GSDMA: variants seen among roughly 807,000 people sequenced by gnomAD.
The protein encoded by GSDMA is gasdermin A, also known as gasdermin-A.
Under a neutral mutation model 54.3 loss-of-function variants are expected in GSDMA, and 55 were observed. The observed-to-expected ratio is 1.01, with a 90% CI of 0.82 to 1.27. The LOEUF (loss-of-function observed/expected upper bound fraction) is 1.27, where lower values mean the gene tolerates loss of function less well. Ranked by LOEUF, GSDMA falls within the 50% of genes most tolerant of loss-of-function variation. The pLI is 0.00. For synonymous variants in GSDMA, 211 were observed against 224.7 expected (o/e 0.94, Z 0.54); for missense variants, 542 against 542.6 (o/e 1.00, Z 0.01).
At chr17:39,971,809 C>T (rs1979958994) in intron 5 of GSDMA, among the ~76,000 whole-genome samples, 189 bp downstream of exon 5, 1 of 152,174 alleles carries the variant, frequency 6.6e-6, no homozygotes, top group Non-Finnish European at 1.5e-5. Context: ...TGAGCATCTT[C>T]TGGGTGCTGG....
At chr17:39,969,406 G>A (rs767594666) in intron 3 of GSDMA, among the ~76,000 whole-genome samples, 1 of 151,372 alleles carries the variant, frequency 6.6e-6, no homozygotes, top group Non-Finnish European at 1.5e-5. Flanking sequence ...TTTAGAGGGA[G>A]TTGAGAAAAC....
chr17:39,968,639 C>A (rs59843584), intron 3 of GSDMA, among the ~76,000 whole-genome samples: 27,015 of 152,070 alleles, frequency 0.18, 2,734 homozygotes, highest in South Asian at 0.26. Flanking sequence ...TGAGCCACCA[C>A]CCCCAGCCAA....
intron 3 of GSDMA, among the ~76,000 whole-genome samples, chr17:39,966,859 A>T (rs1475645639): frequency 6.6e-6 from 1 of 152,208 alleles, no homozygotes; most frequent in African/African-American, 2.4e-5. Context: ...CCCCCAGCTG[A>T]GACCTGAGCA....
At chr17:39,970,366 C>T (rs939037491) in intron 3 of GSDMA, 116 bp from the exon 4 acceptor site, 1 of 1,002,904 alleles carries the variant, frequency 1.0e-6, no homozygotes, top group African/African-American at 1.7e-5. Context: ...CCAGAGTCCT[C>T]ACTCCTTCCC....
At chr17:39,970,207 G>A (rs371463769) in intron 3 of GSDMA, among the ~76,000 whole-genome samples, 37 of 152,270 alleles carry the variant, frequency 2.4e-4, no homozygotes, top group Middle Eastern at 3.4e-3. Flanking sequence ...CCCTGTTCCT[G>A]GCCAGGTGCT....
chr17:39,964,136 C>G (rs959444387), intron 1 of GSDMA, among the ~76,000 whole-genome samples: 2 of 152,160 alleles, frequency 1.3e-5, no homozygotes, highest in African/African-American at 4.8e-5. Context: ...AACACAGATA[C>G]AGTCACCAGC....
Position 39,965,740 on chromosome 17 carries a change from G to C in GSDMA, c.53G>C (p.Arg18Pro). The C allele has an allele frequency of 1.2e-6, 2 of 1,610,282 alleles. No individual in the cohort carries two copies. Among genetic ancestry groups the C allele is most frequent in the South Asian group, 1.1e-5 (1 of 90,442 alleles). Residue 18 changes from arginine to proline, a missense_variant, in exon 2 of 12, where the codon CGA becomes CCA. Arg to Pro is a moderately radical substitution (Grantham distance 103, BLOSUM62 -2). Coordinates refer to ENST00000301659, the MANE Select transcript of GSDMA (RefSeq NM_178171.5). ...TRALARQLNP[R>P]GDLTPLDSLI... ...GCCCTGGCCAGACAGCTAAACCCTCGAGGGGACCTGACACCACTTGACAGC... is the reference window on the plus strand; with the variant it reads ...GCCCTGGCCAGACAGCTAAACCCTCCAGGGGACCTGACACCACTTGACAGC...
chr17:39,975,926 C>A lies in GSDMA; in HGVS notation c.1024C>A (p.Leu342Ile). Residue 342 changes from leucine to isoleucine, a missense_variant and splice_region_variant, in exon 11 of 12, where the codon CTA becomes ATA. Leu to Ile is a conservative substitution (Grantham distance 5). Coordinates refer to ENST00000301659, the MANE Select transcript of GSDMA (RefSeq NM_178171.5). ...CTTTCTCTGCTTTTTTTCTCCAGAG[C>A]TAAGTGAAGCCCAACAGAAGCTGCT... ...ILYFVGALTELSEAQQKLLVK... is the reference protein window; with the variant it reads ...ILYFVGALTEISEAQQKLLVK... 1 of 1,595,592 alleles carries A rather than the reference C, an allele frequency of 6.3e-7. No homozygotes were observed. Among genetic ancestry groups the A allele is most frequent in the Non-Finnish European group, 8.5e-7 (1 of 1,170,652 alleles).
Position 39,965,791 on chromosome 17 carries a change from C to T in GSDMA, c.104C>T (p.Pro35Leu), listed in dbSNP as rs1979623177. 6.2e-7 allele frequency: 1 copy of T among 1,607,232 alleles called. No individual in the cohort carries two copies. The highest frequency in any genetic ancestry group is 1.3e-5 in the African/African-American group (1 of 74,814). ...DSLIDFKRFH[P>L]FCLVLRKRKS... The stretch of plus-strand genomic sequence containing the variant: ...CTCATCGACTTCAAGCGCTTCCATC[C>T]CTTCTGCCTGGTGCTGAGGAAGAGG... The change falls in exon 2 of 12, where the codon CCC (proline) becomes CTC (leucine). Residue 35 changes from proline to leucine, a missense_variant. Physicochemically the swap from Pro to Leu is moderately conservative, Grantham distance 98 (BLOSUM62 -3). Coordinates refer to ENST00000301659, the MANE Select transcript of GSDMA (RefSeq NM_178171.5).
At chr17:39,973,414 C>G (rs566209763) in intron 7 of GSDMA, among the ~76,000 whole-genome samples, 105 of 151,602 alleles carry the variant, frequency 6.9e-4, no homozygotes, top group African/African-American at 2.5e-3. Context: ...GGATAACAGG[C>G]GCGGGCCACC....
rs1383548258 is a variant in GSDMA at position 39,965,668 on chromosome 17, T to A, written c.-5-15T>A. On this transcript the variant is annotated splice_polypyrimidine_tract_variant and intron_variant, in intron 1 of 11. Transcript: ENST00000301659. The stretch of plus-strand genomic sequence containing the variant: ...GCAGCCACCTTGACACTCTCCTGTC[T>A]CCCCACCTCCACAGAGACAATGACC... 3 of 1,581,950 alleles carry A rather than the reference T, an allele frequency of 1.9e-6. No individual in the cohort carries two copies. The highest frequency in any genetic ancestry group is 2.6e-6 in the Non-Finnish European group (3 of 1,163,654).
At chr17:39,973,096 G>A (rs1427462542) in intron 7 of GSDMA, among the ~76,000 whole-genome samples, 10 of 151,496 alleles carry the variant, frequency 6.6e-5, no homozygotes, top group East Asian at 1.9e-4. Flanking sequence ...CTCAGCCTCC[G>A]GAGTAGCTGG....
chr17:39,970,691 A>ACT (rs1462771291), intron 4 of GSDMA, 44 bp downstream of exon 4: 1 of 1,377,082 alleles, frequency 7.3e-7, no homozygotes. Flanking sequence ...ACACTCTCAC[A>ACT]CTCACACTCA....
At chr17:39,968,203 C>A (rs1394095842) in intron 3 of GSDMA, among the ~76,000 whole-genome samples, 1 of 151,880 alleles carries the variant, frequency 6.6e-6, no homozygotes, top group African/African-American at 2.4e-5. Context: ...CCACACCCGG[C>A]TAATTTTTGT....
At chr17:39,966,209 G>C (rs1979653110) in intron 2 of GSDMA, 51 bp from the exon 3 acceptor site, 1 of 1,588,514 alleles carries the variant, frequency 6.3e-7, no homozygotes, top group East Asian at 2.2e-5. Context: ...TTACAGGCAT[G>C]AGTTACTGCA....
At chr17:39,972,762 T>A in intron 7 of GSDMA, 149 bp downstream of exon 7, 1 of 792,762 alleles carries the variant, frequency 1.3e-6, no homozygotes, top group Admixed American at 2.2e-5. Flanking sequence ...GAAATTCCAA[T>A]AGCTTGGGAA....
At chr17:39,975,302 A>G (rs1980154418) in intron 10 of GSDMA, among the ~76,000 whole-genome samples, 1 of 152,112 alleles carries the variant, frequency 6.6e-6, no homozygotes, top group South Asian at 2.1e-4. Context: ...TAGAAAAATT[A>G]GCCGGGCGTG....
intron 7 of GSDMA, 21 bp downstream of exon 7, chr17:39,972,634 C>T (rs759461860): frequency 6.2e-7 from 1 of 1,606,888 alleles, no homozygotes; most frequent in Non-Finnish European, 8.5e-7. Context: ...CCTTTCATTC[C>T]ACTGAAACTT....
Position 39,966,338 on chromosome 17 carries a change from C to T in GSDMA, c.293C>T (p.Thr98Met), listed in dbSNP as rs140044904. 8.2e-4 allele frequency: 1,330 copies of T among 1,613,808 alleles called. 13 individuals carry two copies. The African/African-American group carries it at 0.013, about 15-fold the overall frequency. ...RVEGDVDVPK[T>M]VKVKGTAGLS... ...GAGGGAGATGTGGATGTACCAAAGACGGTGAAGGTGAAGGGAACGGCAGGG... is the reference window on the plus strand; with the variant it reads ...GAGGGAGATGTGGATGTACCAAAGATGGTGAAGGTGAAGGGAACGGCAGGG... Residue 98 changes from threonine to methionine, a missense_variant, in exon 3 of 12, where the codon ACG becomes ATG. Physicochemically the swap from Thr to Met is moderately conservative, Grantham distance 81. Coordinates refer to ENST00000301659, the MANE Select transcript of GSDMA (RefSeq NM_178171.5).
Sources: gnomAD v4.1 joint callset for allele counts (sites outside exome capture counted in the v4.1 genomes callset) on GRCh38, gnomAD v4.1.1 for gene constraint, MANE v1.5 for transcripts, NCBI Gene and HGNC (gene_info 2026-07-23, HGNC 2026-07-21) for gene names.